Variants in OR51A2 observed in about 807,000 individuals in gnomAD.
The protein encoded by OR51A2 is olfactory receptor family 51 subfamily A member 2.
For missense variants in OR51A2, 111 were observed against 365.9 expected, an observed-to-expected ratio of 0.30 and a Z score of 5.68; for synonymous variants, 55 against 139.1, an observed-to-expected ratio of 0.40 and a Z score of 4.25.
rs763248648 is a variant in OR51A2, at chr11:4,955,332, T to C, written c.382A>G (p.Ile128Val). The change falls in exon 1 of 1, where the codon ATC becomes GTC. Residue 128 changes from isoleucine (I) to valine (V), a missense_variant. By Grantham distance (29) the Ile-to-Val change is conservative (BLOSUM62 3). Coordinates refer to ENST00000380371, the MANE Select transcript of OR51A2 (RefSeq NM_001004748.1). Reference protein sequence around the residue: ...LIMSFDRFLAIHNPLRYTSIL... With the variant: ...LIMSFDRFLAVHNPLRYTSIL... ...GAGGTGTATCTCAGAGGATTGTGGATGGCTAGGAATCTATCAAATGACATG... is the reference window on the plus strand; with the variant it reads ...GAGGTGTATCTCAGAGGATTGTGGACGGCTAGGAATCTATCAAATGACATG... 4 of 1,139,622 alleles carry C rather than the reference T, an allele frequency of 3.5e-6. No individual in the cohort carries two copies. In the South Asian group the frequency reaches 5.1e-5, roughly 15 times the overall value. The allele number at this position is 1,139,622 out of a possible 1,614,324, so 70.6% of individuals were successfully genotyped here. A position where few individuals can be genotyped will look rare whatever the true frequency, so the allele number is the denominator to read the frequency against.
At position 4,954,978 on chromosome 11, in the gene OR51A2, T is replaced by A; in HGVS notation, c.736A>T (p.Ile246Phe). 7.3e-7 allele frequency: 1 copy of A among 1,364,730 alleles called. No homozygotes were observed. Among genetic ancestry groups the A allele is most frequent in the Non-Finnish European group, 1.0e-6 (1 of 987,824 alleles). 84.5% of individuals were successfully genotyped at this position (1,364,730 alleles called of 1,614,324 possible). A position where few individuals can be genotyped will look rare whatever the true frequency, so the allele number is the denominator to read the frequency against. The change falls in exon 1 of 1, where the codon ATC becomes TTC. Residue 246 changes from isoleucine to phenylalanine, a missense_variant. Physicochemically the swap from Ile to Phe is conservative, Grantham distance 21. Transcript: ENST00000380371. ...AGGTAGAAGATGATCACTGCACAGA[T>A]GTGTGAAACACAAGTATTGAGAGCC... ...LKALNTCVSHICAVIIFYLPI... is the reference protein window; with the variant it reads ...LKALNTCVSHFCAVIIFYLPI...
At position 4,955,703 on chromosome 11, in the gene OR51A2, A is replaced by T; in HGVS notation, c.11T>A (p.Ile4Asn). 6.4e-7 allele frequency: 1 copy of T among 1,555,910 alleles called. No individual in the cohort carries two copies. Among genetic ancestry groups the T allele is most frequent in the Non-Finnish European group, 8.8e-7 (1 of 1,141,202 alleles). ...GGTGATTTCAACATATGATGTGTTGATAATGGACATGATTCATTCATAGGG... is the reference window on the plus strand; with the variant it reads ...GGTGATTTCAACATATGATGTGTTGTTAATGGACATGATTCATTCATAGGG... MSI[I>N]NTSYVEITTF... The change falls in exon 1 of 1, where the codon ATC (isoleucine) becomes AAC (asparagine). Residue 4 changes from isoleucine to asparagine, a missense_variant. Coordinates refer to ENST00000380371, the MANE Select transcript of OR51A2 (RefSeq NM_001004748.1).
rs74052692 is a variant in OR51A2, at chr11:4,955,033, C to T, written c.681G>A (p.Pro227=). 23 of 1,448,464 alleles carry T rather than the reference C, an allele frequency of 1.6e-5. 7 individuals carry two copies. Among genetic ancestry groups the T allele is most frequent in the East Asian group, 1.3e-4 (5 of 38,568 alleles). The allele number at this position is 1,448,464 out of a possible 1,614,324, so 89.7% of individuals were successfully genotyped here. A position where few individuals can be genotyped will look rare whatever the true frequency, so the allele number is the denominator to read the frequency against. The change falls in exon 1 of 1, where the codon CCG becomes CCA. Residue 227 remains proline (P), a synonymous_variant. Transcript: ENST00000380371. ...GCTCCTCCTTTTTGGATGCAATTCC[C>T]GGTACAGTCTTGAGGATCAGGGTGT... ...VSYTLILKTV[P]GIASKKEELK... is the part of the protein sequence containing the mutation.
rs369202020 is a variant in OR51A2, at chr11:4,955,460, C to T, written c.254G>A (p.Ser85Asn). 1.6e-6 allele frequency: 2 copies of T among 1,233,536 alleles called. 1 individual carries two copies. The highest frequency in any genetic ancestry group is 3.3e-5 in the African/African-American group (2 of 61,196). The allele number at this position is 1,233,536 out of a possible 1,614,324, so 76.4% of individuals were successfully genotyped here. Residue 85 changes from serine to asparagine, a missense_variant, in exon 1 of 1, where the codon AGC becomes AAC. Ser to Asn is a conservative substitution (Grantham distance 46). Transcript: ENST00000380371. ...TTCAGGGGCATTGAACAGGAAGATG[C>T]TTAACACAGTGGGCAGAGATGATAA... Reference protein sequence around the residue: ...LSLSSLPTVLSIFLFNAPETS... With the variant: ...LSLSSLPTVLNIFLFNAPETS...
chr11:4,955,630 C>A lies in OR51A2; in HGVS notation c.84G>T (p.Trp28Cys). Residue 28 changes from tryptophan (W) to cysteine (C), a missense_variant, in exon 1 of 1, where the codon TGG becomes TGT. Transcript: ENST00000380371. ...ACATGCTGCAGATGGGGATAGAGAT[C>A]CAGATGTGTGCATATTCTAGCCCTG... The part of the protein sequence containing the change: ...GMPGLEYAHI[W>C]ISIPICSMYL... The A allele has an allele frequency of 6.6e-7, 1 of 1,504,570 alleles. No individual in the cohort carries two copies. The highest frequency in any genetic ancestry group is 9.2e-7 in the Non-Finnish European group (1 of 1,091,052). The allele number at this position is 1,504,570 out of a possible 1,614,324, so 93.2% of individuals were successfully genotyped here. A position where few individuals can be genotyped will look rare whatever the true frequency, so the allele number is the denominator to read the frequency against.
In OR51A2 at chr11:4,955,515, T is replaced by A; in HGVS notation, c.199A>T (p.Met67Leu). The A allele has an allele frequency of 7.6e-7, 1 of 1,318,312 alleles. No homozygotes were observed. The highest frequency in any genetic ancestry group is 1.2e-5 in the South Asian group (1 of 84,896). 81.7% of individuals were successfully genotyped at this position (1,318,312 alleles called of 1,614,324 possible). ...LHGPMYYFLSMLAMSDLGLSL... is the reference protein window; with the variant it reads ...LHGPMYYFLSLLAMSDLGLSL... ...AAACCCAAGTCTGACATAGCCAACATGGAAAGAAAATAGTACATGGGCCCA... is the reference window on the plus strand; with the variant it reads ...AAACCCAAGTCTGACATAGCCAACAAGGAAAGAAAATAGTACATGGGCCCA... The change falls in exon 1 of 1, where the codon ATG becomes TTG. Residue 67 changes from methionine to leucine, a missense_variant. Physicochemically the swap from Met to Leu is conservative, Grantham distance 15 (BLOSUM62 2). Coordinates refer to ENST00000380371, the MANE Select transcript of OR51A2 (RefSeq NM_001004748.1).
chr11:4,954,839 A>T lies in OR51A2; in HGVS notation c.875T>A (p.Val292Asp), dbSNP rs186968743. The T allele has an allele frequency of 1.2e-5, 13 of 1,105,488 alleles. 3 individuals are homozygous for T. The African/African-American group carries it at 2.1e-4, about 18-fold the overall frequency. 68.5% of individuals were successfully genotyped at this position (1,105,488 alleles called of 1,614,324 possible). ...AATCTGTTTAGTTTTTACACAATAA[A>T]CAATTGGTTTCATCAGCGGAGGTAC... Reference protein sequence around the residue: ...LLVPPLMKPIVYCVKTKQIRV... With the variant: ...LLVPPLMKPIDYCVKTKQIRV... Residue 292 changes from valine (V) to aspartate (D), a missense_variant, in exon 1 of 1, where the codon GTT (valine) becomes GAT (aspartate). By Grantham distance (152) the Val-to-Asp change is radical. Transcript: ENST00000380371.
rs150383657 is a variant in OR51A2, at chr11:4,955,055, G to A, written c.659C>T (p.Thr220Ile). The change falls in exon 1 of 1, where the codon ACC becomes ATC. Residue 220 changes from threonine (T) to isoleucine (I), a missense_variant. Thr to Ile is a moderately conservative substitution (Grantham distance 89, BLOSUM62 -1). Transcript: ENST00000380371. The stretch of plus-strand genomic sequence containing the variant: ...TCCCGGTACAGTCTTGAGGATCAGG[G>A]TGTAAGACACAGCAATGAGAATAAA... ...VDFILIAVSY[T>I]LILKTVPGIA... 3 of 1,454,944 alleles carry A rather than the reference G, an allele frequency of 2.1e-6. No homozygotes were observed. The highest frequency in any genetic ancestry group is 1.7e-4 in the Middle Eastern group (1 of 5,766). 90.1% of individuals were successfully genotyped at this position (1,454,944 alleles called of 1,614,324 possible). A position where few individuals can be genotyped will look rare whatever the true frequency, so the allele number is the denominator to read the frequency against.
rs142447423 is a variant in OR51A2 at position 4,955,314 on chromosome 11, A to G, written c.400T>C (p.Tyr134His). The change falls in exon 1 of 1, where the codon TAC (tyrosine) becomes CAC (histidine). Residue 134 changes from tyrosine (Y) to histidine (H), a missense_variant. Transcript: ENST00000380371. ...CTGACAGTTGTCAGGATTGAGGTGT[A>G]TCTCAGAGGATTGTGGATGGCTAGG... Reference protein sequence around the residue: ...RFLAIHNPLRYTSILTTVRVA... With the variant: ...RFLAIHNPLRHTSILTTVRVA... 1 of 1,153,486 alleles carries G rather than the reference A, an allele frequency of 8.7e-7. No individual in the cohort carries two copies. The highest frequency in any genetic ancestry group is 1.2e-6 in the Non-Finnish European group (1 of 810,862). The allele number at this position is 1,153,486 out of a possible 1,614,324, so 71.5% of individuals were successfully genotyped here. A position where few individuals can be genotyped will look rare whatever the true frequency, so the allele number is the denominator to read the frequency against.
In OR51A2 at chr11:4,954,800, A is replaced by G; in HGVS notation, c.914T>C (p.Val305Ala). 1 of 1,060,670 alleles carries G rather than the reference A, an allele frequency of 9.4e-7. No homozygotes were observed. The highest frequency in any genetic ancestry group is 1.3e-6 in the Non-Finnish European group (1 of 742,880). The allele number at this position is 1,060,670 out of a possible 1,614,324, so 65.7% of individuals were successfully genotyped here. ...VKTKQIRVRV[V>A]AKLCQWKI ...AATCTTCCATTGACACAATTTTGCTACAACTCTCACTCTAATCTGTTTAGT... is the reference window on the plus strand; with the variant it reads ...AATCTTCCATTGACACAATTTTGCTGCAACTCTCACTCTAATCTGTTTAGT... Residue 305 changes from valine to alanine, a missense_variant, in exon 1 of 1, where the codon GTA (valine) becomes GCA (alanine). Coordinates refer to ENST00000380371, the MANE Select transcript of OR51A2 (RefSeq NM_001004748.1).
At position 4,954,923 on chromosome 11, in the gene OR51A2, C is replaced by T. The variant is rs61744535; in HGVS notation, c.791G>A (p.Arg264His). The T allele has an allele frequency of 5.9e-6, 7 of 1,176,746 alleles. 1 individual carries two copies. The highest frequency in any genetic ancestry group is 2.3e-5 in the Admixed American group (1 of 42,686). The allele number at this position is 1,176,746 out of a possible 1,614,324, so 72.9% of individuals were successfully genotyped here. A position where few individuals can be genotyped will look rare whatever the true frequency, so the allele number is the denominator to read the frequency against. ...GAGGGGAGAGACATGCCCGGCAAAG[C>T]GGTGGACAACGGCCAGGTTGATGAT... ...LPIINLAVVH[R>H]FAGHVSPLIN... is the part of the protein sequence containing the mutation. Residue 264 changes from arginine (R) to histidine (H), a missense_variant, in exon 1 of 1, where the codon CGC becomes CAC. Physicochemically the swap from Arg to His is conservative, Grantham distance 29. Transcript: ENST00000380371.
In OR51A2 at chr11:4,954,788, C is replaced by T. The variant is rs1846412178; in HGVS notation, c.926G>A (p.Cys309Tyr). The change falls in exon 1 of 1, where the codon TGT (cysteine) becomes TAT (tyrosine). Residue 309 changes from cysteine (C) to tyrosine (Y), a missense_variant. Coordinates refer to ENST00000380371, the MANE Select transcript of OR51A2 (RefSeq NM_001004748.1). ...ATATGACTGTTAAATCTTCCATTGA[C>T]ACAATTTTGCTACAACTCTCACTCT... ...QIRVRVVAKLCQWKI is the reference protein window; with the variant it reads ...QIRVRVVAKLYQWKI 1 of 1,053,306 alleles carries T rather than the reference C, an allele frequency of 9.5e-7. No individual in the cohort carries two copies. The highest frequency in any genetic ancestry group is 1.6e-5 in the African/African-American group (1 of 60,844). 65.2% of individuals were successfully genotyped at this position (1,053,306 alleles called of 1,614,324 possible).
rs773341269 is a variant in OR51A2, at chr11:4,955,578, T to C, written c.136A>G (p.Thr46Ala). Residue 46 changes from threonine (T) to alanine (A), a missense_variant, in exon 1 of 1, where the codon ACC (threonine) becomes GCC (alanine). Transcript: ENST00000380371. ...MYLIAILGNG[T>A]ILFIIKTEPS... ...TCTGTCTTGATGATAAAAAGAATGG[T>C]GCCATTTCCTAGAATAGCAATAAGA... The C allele has an allele frequency of 4.3e-6, 6 of 1,396,164 alleles. No individual in the cohort carries two copies. The highest frequency in any genetic ancestry group is 1.9e-4 in the Middle Eastern group (1 of 5,268). The allele number at this position is 1,396,164 out of a possible 1,614,324, so 86.5% of individuals were successfully genotyped here.
rs776641869 is a variant in OR51A2, at chr11:4,955,045, G to C, written c.669C>G (p.Leu223=). The change falls in exon 1 of 1, where the codon CTC becomes CTG. Residue 223 remains leucine, a synonymous_variant. Transcript: ENST00000380371. ...ILIAVSYTLI[L]KTVPGIASKK... ...TGGATGCAATTCCCGGTACAGTCTT[G>C]AGGATCAGGGTGTAAGACACAGCAA... The C allele has an allele frequency of 2.1e-6, 3 of 1,452,930 alleles. No homozygotes were observed. Among genetic ancestry groups the C allele is most frequent in the South Asian group, 2.3e-5 (2 of 86,290 alleles). 90.0% of individuals were successfully genotyped at this position (1,452,930 alleles called of 1,614,324 possible). A position where few individuals can be genotyped will look rare whatever the true frequency, so the allele number is the denominator to read the frequency against.
Position 4,954,924 on chromosome 11 carries a change from G to A in OR51A2, c.790C>T (p.Arg264Cys), listed in dbSNP as rs140957448. The A allele has an allele frequency of 3.4e-5, 40 of 1,181,514 alleles. 6 individuals carry two copies. Among genetic ancestry groups the A allele is most frequent in the Middle Eastern group, 4.1e-4 (2 of 4,880 alleles). The allele number at this position is 1,181,514 out of a possible 1,614,324, so 73.2% of individuals were successfully genotyped here. ...LPIINLAVVH[R>C]FAGHVSPLIN... ...AGGGGAGAGACATGCCCGGCAAAGC[G>A]GTGGACAACGGCCAGGTTGATGATG... Residue 264 changes from arginine (R) to cysteine (C), a missense_variant, in exon 1 of 1, where the codon CGC (arginine) becomes TGC (cysteine). Transcript: ENST00000380371.
At position 4,955,442 on chromosome 11, in the gene OR51A2, G is replaced by T. The variant is rs769191701; in HGVS notation, c.272C>A (p.Ala91Asp). 1.7e-6 allele frequency: 2 copies of T among 1,180,338 alleles called. No homozygotes were observed. The highest frequency in any genetic ancestry group is 2.6e-5 in the South Asian group (2 of 78,150). 73.1% of individuals were successfully genotyped at this position (1,180,338 alleles called of 1,614,324 possible). A position where few individuals can be genotyped will look rare whatever the true frequency, so the allele number is the denominator to read the frequency against. Reference sequence around the variant, plus strand: ...GCAGGCACTAGAAGAAGTTTCAGGGGCATTGAACAGGAAGATGCTTAACAC... The same window carrying T: ...GCAGGCACTAGAAGAAGTTTCAGGGTCATTGAACAGGAAGATGCTTAACAC... ...PTVLSIFLFN[A>D]PETSSSACFA... The change falls in exon 1 of 1, where the codon GCC (alanine) becomes GAC (aspartate). Residue 91 changes from alanine (A) to aspartate (D), a missense_variant. Coordinates refer to ENST00000380371, the MANE Select transcript of OR51A2 (RefSeq NM_001004748.1).
Position 4,955,588 on chromosome 11 carries a change from T to C in OR51A2, c.126A>G (p.Leu42=). The change falls in exon 1 of 1, where the codon CTA becomes CTG. Residue 42 remains leucine, a synonymous_variant. Transcript: ENST00000380371. ...TGATAAAAAGAATGGTGCCATTTCC[T>C]AGAATAGCAATAAGATACATGCTGC... is the stretch of plus-strand genomic sequence containing the variant. ...PICSMYLIAI[L]GNGTILFIIK... is the part of the protein sequence containing the mutation. The C allele has an allele frequency of 1.4e-6, 2 of 1,421,180 alleles. No homozygotes were observed. Among genetic ancestry groups the C allele is most frequent in the Non-Finnish European group, 9.9e-7 (1 of 1,011,222 alleles). 88.0% of individuals were successfully genotyped at this position (1,421,180 alleles called of 1,614,324 possible).
rs146578912 is a variant in OR51A2 at position 4,954,890 on chromosome 11, A to G, written c.824T>C (p.Val275Ala). Residue 275 changes from valine (V) to alanine (A), a missense_variant, in exon 1 of 1, where the codon GTT becomes GCT. Transcript: ENST00000380371. ...FAGHVSPLIN[V>A]LMANVLLLVP... is the part of the protein sequence containing the mutation. ...AAGTAGGAGAACATTTGCCATGAGA[A>G]CATTAATGAGGGGAGAGACATGCCC... The G allele has an allele frequency of 1.5e-3, 1,726 of 1,128,676 alleles. 377 individuals are homozygous for G. In the African/African-American group the frequency reaches 0.026, roughly 17 times the overall value. 69.9% of individuals were successfully genotyped at this position (1,128,676 alleles called of 1,614,324 possible).
chr11:4,955,314 A>T lies in OR51A2; in HGVS notation c.400T>A (p.Tyr134Asn), dbSNP rs142447423. The change falls in exon 1 of 1, where the codon TAC (tyrosine) becomes AAC (asparagine). Residue 134 changes from tyrosine to asparagine, a missense_variant. Physicochemically the swap from Tyr to Asn is moderately radical, Grantham distance 143 (BLOSUM62 -2). Coordinates refer to ENST00000380371, the MANE Select transcript of OR51A2 (RefSeq NM_001004748.1). ...RFLAIHNPLRYTSILTTVRVA... is the reference protein window; with the variant it reads ...RFLAIHNPLRNTSILTTVRVA... ...CTGACAGTTGTCAGGATTGAGGTGT[A>T]TCTCAGAGGATTGTGGATGGCTAGG... 1.3e-3 allele frequency: 1,465 copies of T among 1,153,556 alleles called. 241 individuals carry two copies. The African/African-American group carries it at 0.022, about 17-fold the overall frequency. The allele number at this position is 1,153,556 out of a possible 1,614,324, so 71.5% of individuals were successfully genotyped here.
Sources: gnomAD v4.1 joint callset for allele counts on GRCh38, gnomAD v4.1.1 for gene constraint, MANE v1.5 for transcripts, NCBI Gene and HGNC (gene_info 2026-07-23, HGNC 2026-07-21) for gene names.